Variants in BRAF observed in about 807,000 individuals in gnomAD.
BRAF encodes B-Raf proto-oncogene, serine/threonine kinase.
A neutral mutation model predicts 104.6 loss-of-function variants in BRAF; 16 were observed. The observed-to-expected ratio is 0.15, with a 90% confidence interval of 0.10 to 0.23. BRAF has a LOEUF of 0.23. Ranked by LOEUF, BRAF falls within the 10% of genes least tolerant of loss-of-function variation. The probability of loss-of-function intolerance (pLI) is 1.00; values close to 1 mark genes in which losing one functional copy is unlikely to be tolerated. For synonymous variants in BRAF, 310 were observed against 341.6 expected (o/e 0.91, Z 1.02); for missense variants, 541 against 937.3 (o/e 0.58, Z 5.52).
intron 1 of BRAF, among the ~76,000 whole-genome samples, chr7:140,887,222 C>G (rs1277399560): frequency 2.6e-5 from 4 of 152,176 alleles, no homozygotes; most frequent in African/African-American, 7.2e-5. Flanking sequence ...AACACAATTC[C>G]AACACTGGTG....
chr7:140,884,808 G>A (rs1050824094), intron 1 of BRAF, among the ~76,000 whole-genome samples: 8 of 151,590 alleles, frequency 5.3e-5, no homozygotes, highest in Non-Finnish European at 1.2e-4. Flanking sequence ...GTAGTTTATC[G>A]CTATCAGTAT....
chr7:140,727,185 CTTTTTTTTTTT>C (rs927393889), intron 19 of BRAF, among the ~76,000 whole-genome samples: 1 of 128,652 alleles, frequency 7.8e-6, no homozygotes, highest in Admixed American at 7.7e-5. Flanking sequence ...TTATTTTTTT[CTTTTTTTTTTT>C]TTTTGAGATG....
chr7:140,853,489 T>C (rs1469572985), intron 1 of BRAF, among the ~76,000 whole-genome samples: 1 of 152,200 alleles, frequency 6.6e-6, no homozygotes, highest in East Asian at 1.9e-4. Flanking sequence ...TCTAGCTTCA[T>C]TTCTTATTGT....
At chr7:140,886,659 T>C (rs1273976301) in intron 1 of BRAF, among the ~76,000 whole-genome samples, 2 of 152,194 alleles carry the variant, frequency 1.3e-5, no homozygotes, top group Admixed American at 6.5e-5. Context: ...CTCAAAGAAG[T>C]CTTTCCTCAT....
chr7:140,913,428 A>T (rs553546090), intron 1 of BRAF, among the ~76,000 whole-genome samples: 1 of 142,764 alleles, frequency 7.0e-6, no homozygotes, highest in South Asian at 2.3e-4. Flanking sequence ...AAAGTCACCA[A>T]TGTAGTTTTG....
rs1292774166 is a variant in BRAF at position 140,724,234 on chromosome 7, C to G, written c.*2260G>C. 2 of 1,059,202 alleles carry G rather than the reference C, an allele frequency of 1.9e-6. No homozygotes were observed. The highest frequency in any genetic ancestry group is 1.6e-5 in the African/African-American group (1 of 60,628). The allele number at this position is 1,059,202 out of a possible 1,614,324, so 65.6% of individuals were successfully genotyped here. ...CTGCCCCACGGAGGCAGTCCCGGAC[C>G]CAGGCTGCACATGTTCTACCTCCTC... On this transcript the variant is annotated 3_prime_UTR_variant, in exon 20 of 20. Transcript: ENST00000644969.
At chr7:140,892,551 C>T (rs952288643) in intron 1 of BRAF, among the ~76,000 whole-genome samples, 1 of 152,162 alleles carries the variant, frequency 6.6e-6, no homozygotes, top group African/African-American at 2.4e-5. Context: ...ACTATGGAAC[C>T]TATCTTTGGG....
At chr7:140,749,442 T>G in intron 16 of BRAF, 24 bp from the exon 16 acceptor site, 1 of 1,610,796 alleles carries the variant, frequency 6.2e-7, no homozygotes, top group East Asian at 2.2e-5. Context: ...CAAAGAAAAA[T>G]ATTCTTCACT....
chr7:140,750,068 A>G (rs1486856688), intron 16 of BRAF, among the ~76,000 whole-genome samples: 1 of 152,160 alleles, frequency 6.6e-6, no homozygotes, highest in African/African-American at 2.4e-5. Context: ...AAACAATCAT[A>G]TTTGCTACAT....
intron 14 of BRAF, among the ~76,000 whole-genome samples, chr7:140,766,699 C>T (rs776605340): frequency 1.3e-5 from 2 of 151,862 alleles, no homozygotes; most frequent in Admixed American, 6.6e-5. Flanking sequence ...CACAGACATA[C>T]ACCACCACAT....
At chr7:140,830,779 A>AAGGTGATGCTCCT in intron 3 of BRAF, among the ~76,000 whole-genome samples, 1 of 152,198 alleles carries the variant, frequency 6.6e-6, no homozygotes, top group Non-Finnish European at 1.5e-5. Context: ...GAGGTAGTGG[A>AAGGTGATGCTCCT]AGGTGATGCT....
At chr7:140,882,648 G>A (rs1352835255) in intron 1 of BRAF, among the ~76,000 whole-genome samples, 1 of 151,712 alleles carries the variant, frequency 6.6e-6, no homozygotes, top group African/African-American at 2.4e-5. Flanking sequence ...AAAGTGCTGG[G>A]ATTACAGGCA....
chr7:140,923,886 T>C (rs1818543071), intron 1 of BRAF, among the ~76,000 whole-genome samples: 4 of 152,002 alleles, frequency 2.6e-5, no homozygotes, highest in Admixed American at 2.6e-4. Context: ...GGGAATAGAA[T>C]GGGGGTTACC....
At chr7:140,826,316 G>GAACTTTCTACATTTCTTTTT (rs1368257790) in intron 3 of BRAF, among the ~76,000 whole-genome samples, 9 of 152,016 alleles carry the variant, frequency 5.9e-5, no homozygotes, top group Admixed American at 1.3e-4. Flanking sequence ...TGTTTCTTTT[G>GAACTTTCTACATTTCTTTTT]AACTTTCTAC....
At chr7:140,832,742 A>G (rs1806906568) in intron 3 of BRAF, among the ~76,000 whole-genome samples, 1 of 152,056 alleles carries the variant, frequency 6.6e-6, no homozygotes, top group Non-Finnish European at 1.5e-5. Flanking sequence ...CCTAATAGTT[A>G]TTCATTTATC....
intron 1 of BRAF, among the ~76,000 whole-genome samples, chr7:140,908,989 C>CTTTTTTTTTTTT (rs1224922004): frequency 5.8e-5 from 7 of 120,176 alleles, no homozygotes; most frequent in African/African-American, 5.7e-5. Context: ...TCTACGTTTT[C>CTTTTTTTTTTTT]TTTTTTTTTT....
At chr7:140,742,335 G>T (rs1370144480) in intron 17 of BRAF, among the ~76,000 whole-genome samples, 1 of 151,992 alleles carries the variant, frequency 6.6e-6, no homozygotes. Flanking sequence ...GGGATTACAG[G>T]TGCACACCAC....
chr7:140,862,504 A>ACT (rs1285703645), intron 1 of BRAF, among the ~76,000 whole-genome samples: 2 of 152,236 alleles, frequency 1.3e-5, no homozygotes, highest in Non-Finnish European at 2.9e-5. Flanking sequence ...GGTCTGAGTA[A>ACT]AAGGGCTCAG....
intron 1 of BRAF, among the ~76,000 whole-genome samples, chr7:140,893,524 C>G (rs889312239): frequency 6.6e-6 from 1 of 152,062 alleles, no homozygotes; most frequent in Non-Finnish European, 1.5e-5. Context: ...GCTGTGATTA[C>G]AGGTGTGAGC....
Sources: allele counts gnomAD v4.1 joint callset (sites outside exome capture counted in the v4.1 genomes callset), GRCh38; gene constraint gnomAD v4.1.1; transcripts MANE v1.5; gene names NCBI Gene and HGNC (gene_info 2026-07-23, HGNC 2026-07-21).